The following KIF12 variants were observed in gnomAD, a reference collection of about 807,000 sequenced individuals.
The protein encoded by KIF12 is kinesin-like protein KIF12.
A neutral mutation model predicts 87.9 loss-of-function variants in KIF12; 80 were observed. That is an observed-to-expected ratio of 0.91 (90% CI 0.76 to 1.10). KIF12 has a LOEUF of 1.10. KIF12 is among the 50% of genes least tolerant of loss of function. The pLI is 0.00. For synonymous variants in KIF12, 353 were observed against 348.5 expected, an observed-to-expected ratio of 1.01 and a Z score of -0.14; for missense variants, 819 against 865.3, an observed-to-expected ratio of 0.95 and a Z score of 0.67.
At position 114,098,434 on chromosome 9, in the gene KIF12, C is replaced by T. The variant is rs1269879612; in HGVS notation, c.172-5G>A. 7.5e-7 allele frequency: 1 copy of T among 1,331,386 alleles called. No individual in the cohort carries two copies. The highest frequency in any genetic ancestry group is 1.4e-5 in the South Asian group (1 of 72,558). 82.5% of individuals were successfully genotyped at this position (1,331,386 alleles called of 1,614,324 possible). Reference sequence around the variant, plus strand: ...ACCCCCGCCTGGAGGACTCACCTGGCGCGGGTGGGGCGGAGGAGCGGGGCA... The same window carrying T: ...ACCCCCGCCTGGAGGACTCACCTGGTGCGGGTGGGGCGGAGGAGCGGGGCA... On this transcript the variant is annotated splice_region_variant and splice_polypyrimidine_tract_variant and intron_variant, in intron 3 of 18. Transcript: ENST00000640217.
chr9:114,095,399 G>A (rs2134892437), intron 9 of KIF12, 67 bp from the exon 10 acceptor site: 1 of 1,507,768 alleles, frequency 6.6e-7, no homozygotes, highest in Non-Finnish European at 9.0e-7. Context: ...CTGGGATGCT[G>A]CAGAGTTGGG....
At chr9:114,093,041 G>T in intron 16 of KIF12, 188 bp downstream of exon 16, 1 of 1,195,134 alleles carries the variant, frequency 8.4e-7, no homozygotes. Flanking sequence ...GACAGGGCAG[G>T]GTGAGGAGGG....
At chr9:114,092,741 C>T (rs1415627420) in intron 16 of KIF12, 99 bp from the exon 17 acceptor site, 3 of 1,507,936 alleles carry the variant, frequency 2.0e-6, no homozygotes, top group Non-Finnish European at 2.6e-6. Flanking sequence ...ATGCCTACCC[C>T]ACAAGGTACC....
chr9:114,091,825 G>A lies in KIF12; in HGVS notation c.*36C>T, dbSNP rs771345772. 1.3e-6 allele frequency: 2 copies of A among 1,557,488 alleles called. No homozygotes were observed. The highest frequency in any genetic ancestry group is 1.7e-6 in the Non-Finnish European group (2 of 1,146,160). ...CCCAAGAGTGTGGAGCCCAGTCTGAGGTCACACAGCAGTCTCCTGGGTTCC... is the reference window on the plus strand; with the variant it reads ...CCCAAGAGTGTGGAGCCCAGTCTGAAGTCACACAGCAGTCTCCTGGGTTCC... On this transcript the variant is annotated 3_prime_UTR_variant, in exon 19 of 19. Transcript: ENST00000640217.
intron 6 of KIF12, 50 bp from the exon 7 acceptor site, chr9:114,097,486 C>G: frequency 6.4e-7 from 1 of 1,574,718 alleles, no homozygotes; most frequent in Non-Finnish European, 8.6e-7. Flanking sequence ...CTGAGTCCAC[C>G]CATCCCCAGA....
chr9:114,092,076 C>A, intron 18 of KIF12, 76 bp from the exon 19 acceptor site: 1 of 1,520,388 alleles, frequency 6.6e-7, no homozygotes. Flanking sequence ...TCCCAACACC[C>A]TCTGGAGAAG....
At chr9:114,096,735 G>A (rs1189216441) in intron 7 of KIF12, among the ~76,000 whole-genome samples, 4 of 152,154 alleles carry the variant, frequency 2.6e-5, no homozygotes, top group South Asian at 4.1e-4. Context: ...CCACTGCTTC[G>A]TGAAAGGAAG....
rs908882914 is a variant in KIF12, at chr9:114,094,408, C to T, written c.1167G>A (p.Gln389=). 1 of 1,613,924 alleles carries T rather than the reference C, an allele frequency of 6.2e-7. No individual in the cohort carries two copies. The highest frequency in any genetic ancestry group is 1.3e-5 in the African/African-American group (1 of 74,936). ...QPQRLETEML[Q]LQEENRRLQF... is the part of the protein sequence containing the mutation. Reference sequence around the variant, plus strand: ...GCAGGCGACGGTTCTCCTCCTGGAGCTGCAGCATCTCTGTCTCCAAACGCT... The same window carrying T: ...GCAGGCGACGGTTCTCCTCCTGGAGTTGCAGCATCTCTGTCTCCAAACGCT... Residue 389 remains glutamine (Q), a synonymous_variant, in exon 12 of 19, where the codon CAG becomes CAA. Transcript: ENST00000640217.
At chr9:114,094,144 G>C (rs765219014) in intron 13 of KIF12, 37 bp downstream of exon 13, 3 of 1,583,824 alleles carry the variant, frequency 1.9e-6, no homozygotes, top group Non-Finnish European at 2.6e-6. Context: ...GTGATGGGTG[G>C]GGAGCAGCAT....
Position 114,098,205 on chromosome 9 carries a change from G to A in KIF12, c.300-15C>T, listed in dbSNP as rs1847317249. The A allele has an allele frequency of 3.9e-6, 6 of 1,541,100 alleles. No individual in the cohort carries two copies. The East Asian group carries it at 1.3e-4, about 32-fold the overall frequency. ...TGCAGGAGAAACTGCGGGCGGCAAG[G>A]GCGTGGCTGGACTCCGGCGGCTACC... On this transcript the variant is annotated splice_polypyrimidine_tract_variant and intron_variant, in intron 4 of 18. Coordinates refer to ENST00000640217, the MANE Select transcript of KIF12 (RefSeq NM_001388308.1).
chr9:114,097,250 A>T (rs565079469), intron 7 of KIF12, 51 bp downstream of exon 7: 2 of 1,588,310 alleles, frequency 1.3e-6, no homozygotes, highest in African/African-American at 1.4e-5. Flanking sequence ...TCAGTGAACA[A>T]CTGAGGAATG....
chr9:114,091,871 G>A lies in KIF12; in HGVS notation c.1946C>T (p.Pro649Leu), dbSNP rs746450424. ...GTTCCCACTTGGCCTTCAATGGGGA[G>A]GGAGGACTTGGCCTGGGCTCCGTGC... ...EGARSPGQVLPPH is the reference protein window; with the variant it reads ...EGARSPGQVLLPH The change falls in exon 19 of 19, where the codon CCT becomes CTT. Residue 649 changes from proline to leucine, a missense_variant. Transcript: ENST00000640217. 1.9e-6 allele frequency: 3 copies of A among 1,601,930 alleles called. No homozygotes were observed. The South Asian group carries it at 3.3e-5, about 18-fold the overall frequency.
chr9:114,098,206 G>C lies in KIF12; in HGVS notation c.300-16C>G. The C allele has an allele frequency of 6.5e-7, 1 of 1,541,032 alleles. No individual in the cohort carries two copies. The highest frequency in any genetic ancestry group is 8.7e-7 in the Non-Finnish European group (1 of 1,144,052). The stretch of plus-strand genomic sequence containing the variant: ...GCAGGAGAAACTGCGGGCGGCAAGG[G>C]CGTGGCTGGACTCCGGCGGCTACCC... On this transcript the variant is annotated splice_polypyrimidine_tract_variant and intron_variant, in intron 4 of 18. Transcript: ENST00000640217.
rs766279222 is a variant in KIF12, at chr9:114,094,289, G to A, written c.1223-18C>T. 2.5e-6 allele frequency: 4 copies of A among 1,612,938 alleles called. No homozygotes were observed. The highest frequency in any genetic ancestry group is 1.3e-5 in the African/African-American group (1 of 74,910). ...CCCTGAGGCTGCAGGGAAGCAGGAG[G>A]TGGTGGATCCACAGGAGCCCCAGAC... is the stretch of plus-strand genomic sequence containing the variant. On this transcript the variant is annotated intron_variant, in intron 12 of 18. Transcript: ENST00000640217.
At position 114,098,079 on chromosome 9, in the gene KIF12, C is replaced by A. The variant is rs1002383472; in HGVS notation, c.375+36G>T. The stretch of plus-strand genomic sequence containing the variant: ...TCCCCAGGGCTTCCAGCCCACCCAG[C>A]CCCGCCCCGCGGGGGCGCCGCCGGC... On this transcript the variant is annotated intron_variant, in intron 5 of 18. Coordinates refer to ENST00000640217, the MANE Select transcript of KIF12 (RefSeq NM_001388308.1). 4.0e-5 allele frequency: 62 copies of A among 1,537,566 alleles called. No homozygotes were observed. The African/African-American group carries it at 5.9e-4, about 15-fold the overall frequency.
chr9:114,098,895 G>A, intron 3 of KIF12, 40 bp downstream of exon 3: 1 of 1,535,834 alleles, frequency 6.5e-7, no homozygotes, highest in Non-Finnish European at 8.8e-7. Context: ...TGGCGTCCCC[G>A]GGATTTTTTA....
rs1215713431 is a variant in KIF12 at position 114,098,415 on chromosome 9, G to C, written c.186C>G (p.Gly62=). 1 of 1,512,294 alleles carries C rather than the reference G, an allele frequency of 6.6e-7. No individual in the cohort carries two copies. The allele number at this position is 1,512,294 out of a possible 1,614,324, so 93.7% of individuals were successfully genotyped here. Residue 62 remains glycine, a synonymous_variant, in exon 4 of 19, where the codon GGC becomes GGG. Transcript: ENST00000640217. ...GTRTLQVSPP[G]GGPEVAFRFG... ...AGCGGAACGCCACTTCTGGACCCCC[G>C]CCTGGAGGACTCACCTGGCGCGGGT...
chr9:114,098,903 T>G (rs1043429563), intron 3 of KIF12, 32 bp downstream of exon 3: 54 of 1,538,834 alleles, frequency 3.5e-5, no homozygotes, highest in Non-Finnish European at 4.6e-5. Flanking sequence ...CCGGGATTTT[T>G]TATTGGGGAG....
In KIF12 at chr9:114,092,375, G is replaced by A. The variant is rs1847031145; in HGVS notation, c.1774C>T (p.Pro592Ser). 1 of 1,609,102 alleles carries A rather than the reference G, an allele frequency of 6.2e-7. No homozygotes were observed. Among genetic ancestry groups the A allele is most frequent in the Non-Finnish European group, 8.5e-7 (1 of 1,178,070 alleles). ...TEEEVVPSAP[P>S]LPVRPPKTSP... is the part of the protein sequence containing the mutation. ...GTCTTCGGGGGCCTCACAGGCAGGG[G>A]AGGTGCAGAAGGTACCACCTCCTCC... is the stretch of plus-strand genomic sequence containing the variant. The change falls in exon 18 of 19, where the codon CCC becomes TCC. Residue 592 changes from proline (P) to serine (S), a missense_variant. Transcript: ENST00000640217.
Sources: gnomAD v4.1 joint callset for allele counts (sites outside exome capture counted in the v4.1 genomes callset) on GRCh38, gnomAD v4.1.1 for gene constraint, MANE v1.5 for transcripts, NCBI Gene and HGNC (gene_info 2026-07-23, HGNC 2026-07-21) for gene names.